The following SLC35F1 variants were observed in gnomAD, a reference collection of about 807,000 sequenced individuals.
The protein encoded by SLC35F1 is solute carrier family 35 member F1, also known as chromosome 6 open reading frame 169.
In SLC35F1, 14 loss-of-function variants were observed where a neutral mutation model predicts 48.7. That is an observed-to-expected ratio of 0.29 (90% CI 0.19 to 0.45). SLC35F1 has a LOEUF of 0.45. SLC35F1 is among the 20% of genes least tolerant of loss of function. The pLI, the probability that SLC35F1 is intolerant of heterozygous loss-of-function variation, is 1.00. For synonymous variants in SLC35F1, 190 were observed against 202.2 expected, an observed-to-expected ratio of 0.94 and a Z score of 0.51; for missense variants, 404 against 500.0, an observed-to-expected ratio of 0.81 and a Z score of 1.83.
chr6:118,055,816 C>T (rs548134082), intron 1 of SLC35F1, among the ~76,000 whole-genome samples: 3 of 152,328 alleles, frequency 2.0e-5, no homozygotes, highest in African/African-American at 7.2e-5. Flanking sequence ...GCTGCTACTA[C>T]ATTTATTGAT....
intron 1 of SLC35F1, among the ~76,000 whole-genome samples, chr6:118,017,535 A>G (rs751223602): frequency 5.3e-5 from 8 of 152,182 alleles, no homozygotes; most frequent in Non-Finnish European, 1.2e-4. Context: ...TAAAAGCTCA[A>G]CTTCAAGTAG....
intron 6 of SLC35F1, among the ~76,000 whole-genome samples, chr6:118,281,993 C>A (rs540191118): frequency 6.6e-6 from 1 of 152,302 alleles, no homozygotes; most frequent in Admixed American, 6.5e-5. Context: ...TAGCTTAAAT[C>A]ACTTTAGTGC....
intron 1 of SLC35F1, among the ~76,000 whole-genome samples, chr6:117,998,416 C>G (rs2114864264): frequency 6.6e-6 from 1 of 152,180 alleles, no homozygotes; most frequent in East Asian, 1.9e-4. Flanking sequence ...AGCTCTGCAC[C>G]AAGTGGACCT....
intron 1 of SLC35F1, among the ~76,000 whole-genome samples, chr6:117,910,546 G>C (rs1775748566): frequency 6.6e-6 from 1 of 152,136 alleles, no homozygotes; most frequent in East Asian, 1.9e-4. Context: ...CTAGCAGAAA[G>C]TGGTTCCAAA....
chr6:117,986,484 C>A lies in SLC35F1; in HGVS notation c.173+78585C>A, dbSNP rs138290460. On this transcript the variant is annotated intron_variant, in intron 1 of 7. Transcript: ENST00000360388. ...ATATAGTTTTAGGTTTTTATATGTT[C>A]TTTTTATTTTCTACAAGTGCTAGAG... Among the ~76,000 whole-genome samples, 23 of 152,224 alleles carry A rather than the reference C, an allele frequency of 1.5e-4. No individual in the cohort carries two copies. The East Asian group carries it at 3.5e-3, about 23-fold the overall frequency.
At chr6:118,194,772 G>A (rs1774778350) in intron 2 of SLC35F1, among the ~76,000 whole-genome samples, 2 of 152,176 alleles carry the variant, frequency 1.3e-5, no homozygotes, top group African/African-American at 4.8e-5. Flanking sequence ...CTGACTGTAA[G>A]AAATTCTTGC....
chr6:118,003,203 A>G (rs1459479585), intron 1 of SLC35F1, among the ~76,000 whole-genome samples: 1 of 152,240 alleles, frequency 6.6e-6, no homozygotes. Flanking sequence ...AGGCTCCAGC[A>G]TGTCAGAATT....
chr6:118,184,125 C>A (rs1774622531), intron 2 of SLC35F1, among the ~76,000 whole-genome samples: 1 of 152,120 alleles, frequency 6.6e-6, no homozygotes, highest in Non-Finnish European at 1.5e-5. Context: ...GTGATGTTTT[C>A]CTGACAAAGC....
chr6:118,061,588 G>A (rs61053951), intron 1 of SLC35F1, among the ~76,000 whole-genome samples: 89,558 of 143,512 alleles, frequency 0.62, 27,982 homozygotes, highest in African/African-American at 0.67. Flanking sequence ...GTGTGTGTGT[G>A]TGTATATATA....
At chr6:118,119,867 G>T (rs1773530480) in intron 1 of SLC35F1, among the ~76,000 whole-genome samples, 1 of 152,120 alleles carries the variant, frequency 6.6e-6, no homozygotes, top group Non-Finnish European at 1.5e-5. Flanking sequence ...AAAGAATAAG[G>T]TCACATATCA....
chr6:117,986,284 C>T (rs1776847116), intron 1 of SLC35F1, among the ~76,000 whole-genome samples: 1 of 152,098 alleles, frequency 6.6e-6, no homozygotes, highest in African/African-American at 2.4e-5. Context: ...ACATGGCCAT[C>T]AGAGACCACT....
chr6:118,304,380 A>AG (rs1195053088), intron 7 of SLC35F1, among the ~76,000 whole-genome samples: 1 of 83,390 alleles, frequency 1.2e-5, no homozygotes, highest in Non-Finnish European at 2.7e-5. Context: ...AAAAAAAAAA[A>AG]AAGAAGAAGA....
chr6:118,148,597 G>C (rs78725516), intron 1 of SLC35F1, among the ~76,000 whole-genome samples: 5,133 of 152,294 alleles, frequency 0.034, 114 homozygotes, highest in Non-Finnish European at 0.051. Flanking sequence ...TGAGTTTAAA[G>C]TGGATAGGAT....
At chr6:118,130,277 A>T (rs1773690598) in intron 1 of SLC35F1, among the ~76,000 whole-genome samples, 2 of 152,186 alleles carry the variant, frequency 1.3e-5, no homozygotes, top group African/African-American at 4.8e-5. Flanking sequence ...AATAAATTTT[A>T]GCTATTAATG....
intron 1 of SLC35F1, among the ~76,000 whole-genome samples, chr6:118,012,326 GA>G (rs11395051): frequency 0.013 from 1,766 of 137,256 alleles, 44 homozygotes; most frequent in African/African-American, 0.046. Context: ...AATAAATGGG[GA>G]AAAAAAAAAA....
intron 7 of SLC35F1, among the ~76,000 whole-genome samples, chr6:118,295,084 A>G (rs397445): frequency 0.56 from 83,278 of 149,758 alleles, 23,431 homozygotes; most frequent in African/African-American, 0.68. Context: ...AGAGCTCCAC[A>G]GTCCACCCTG....
chr6:118,266,965 G>A (rs200933595), intron 3 of SLC35F1, 30 bp from the exon 4 acceptor site: 1 of 1,610,910 alleles, frequency 6.2e-7, no homozygotes, highest in East Asian at 2.2e-5. Flanking sequence ...TGAATCTCCT[G>A]TTGTTGTTTA....
intron 7 of SLC35F1, among the ~76,000 whole-genome samples, chr6:118,304,312 C>A (rs1284329671): frequency 6.6e-6 from 1 of 150,438 alleles, no homozygotes; most frequent in African/African-American, 2.5e-5. Flanking sequence ...GTGATGATCT[C>A]ACTTGTGAAT....
intron 1 of SLC35F1, among the ~76,000 whole-genome samples, chr6:117,912,440 T>A (rs1169172936): frequency 6.6e-6 from 1 of 152,220 alleles, no homozygotes; most frequent in Non-Finnish European, 1.5e-5. Context: ...AACCAATGGA[T>A]ATGACTGAAC....
Sources: gnomAD v4.1 joint callset for allele counts (sites outside exome capture counted in the v4.1 genomes callset) on GRCh38, gnomAD v4.1.1 for gene constraint, MANE v1.5 for transcripts, NCBI Gene and HGNC (gene_info 2026-07-23, HGNC 2026-07-21) for gene names.